The following DUOX1 variants were observed in gnomAD, a reference collection of about 807,000 sequenced individuals.
DUOX1 encodes the protein dual oxidase 1.
In DUOX1, 134 loss-of-function variants were observed where a neutral mutation model predicts 181.8. The ratio of observed to expected loss-of-function variants is 0.74; its 90% confidence interval spans 0.64 to 0.85. The LOEUF is 0.85. Ranked by LOEUF, DUOX1 falls within the 40% of genes least tolerant of loss-of-function variation. The pLI is 0.00. For synonymous variants in DUOX1, 798 were observed against 832.5 expected (o/e 0.96, Z 0.71); for missense variants, 1,814 against 2,064.4 (o/e 0.88, Z 2.35).
chr15:45,160,492 T>C (rs1290035682), intron 28 of DUOX1, among the ~76,000 whole-genome samples: 2 of 152,096 alleles, frequency 1.3e-5, no homozygotes, highest in African/African-American at 4.8e-5. Context: ...AAATGAACTT[T>C]AAAAAGTCAC....
rs558488842 is a variant in DUOX1, at chr15:45,147,774, G to A, written c.2548+116G>A. On this transcript the variant is annotated intron_variant, in intron 19 of 33. Transcript: ENST00000389037. Reference sequence around the variant, plus strand: ...GATGCCCAGAAGTGCCCAGGCCGAGGTCAGGAAGCAGAGCGACCCTTGCTG... The same window carrying A: ...GATGCCCAGAAGTGCCCAGGCCGAGATCAGGAAGCAGAGCGACCCTTGCTG... The A allele has an allele frequency of 7.7e-5, 119 of 1,552,354 alleles. No homozygotes were observed. The African/African-American group carries it at 1.5e-3, about 19-fold the overall frequency.
chr15:45,141,749 AGC>A (rs780861995), intron 14 of DUOX1, among the ~76,000 whole-genome samples: 1 of 81,386 alleles, frequency 1.2e-5, no homozygotes, highest in East Asian at 3.1e-4. Flanking sequence ...CAGTGAGGGA[AGC>A]GTGTGTGTGT....
At chr15:45,138,261 T>C (rs936718789) in intron 10 of DUOX1, among the ~76,000 whole-genome samples, 3 of 152,130 alleles carry the variant, frequency 2.0e-5, no homozygotes, top group Non-Finnish European at 4.4e-5. Flanking sequence ...CACCCCAACC[T>C]CAGGGCTGTG....
rs1218499822 is a variant in DUOX1, at chr15:45,142,079, G to T, written c.1789G>T (p.Val597Phe). ...YFEGSGFGFGVTIGTLCCFPL... is the reference protein window; with the variant it reads ...YFEGSGFGFGFTIGTLCCFPL... Reference sequence around the variant, plus strand: ...TGAGGGCAGTGGATTTGGCTTCGGGGTCACCATCGGGACCCTCTGTTGCTT... The same window carrying T: ...TGAGGGCAGTGGATTTGGCTTCGGGTTCACCATCGGGACCCTCTGTTGCTT... Residue 597 changes from valine (V) to phenylalanine (F), a missense_variant, in exon 15 of 34, where the codon GTC (valine) becomes TTC (phenylalanine). By Grantham distance (50) the Val-to-Phe change is conservative. Coordinates refer to ENST00000389037, the MANE Select transcript of DUOX1 (RefSeq NM_175940.3). The T allele has an allele frequency of 6.2e-7, 1 of 1,613,960 alleles. No individual in the cohort carries two copies. The highest frequency in any genetic ancestry group is 1.3e-5 in the African/African-American group (1 of 74,922).
intron 25 of DUOX1, 63 bp from the exon 26 acceptor site, chr15:45,153,317 C>G: frequency 3.0e-6 from 4 of 1,336,214 alleles, no homozygotes; most frequent in Non-Finnish European, 3.2e-6. Context: ...CGATCTTGGG[C>G]TGAATGAGTG....
At chr15:45,160,589 G>A (rs1478251772) in intron 28 of DUOX1, among the ~76,000 whole-genome samples, 1 of 105,576 alleles carries the variant, frequency 9.5e-6, no homozygotes, top group Non-Finnish European at 1.9e-5. Flanking sequence ...CATGAGTCCA[G>A]GTGACAGGTG....
At chr15:45,133,631 T>C (rs979671462) in intron 2 of DUOX1, among the ~76,000 whole-genome samples, 4 of 152,218 alleles carry the variant, frequency 2.6e-5, no homozygotes, top group African/African-American at 9.7e-5. Flanking sequence ...CCTGCTCCAC[T>C]GCTTTTTGGC....
At chr15:45,140,005 C>G (rs1896450387) in intron 12 of DUOX1, 19 of 1,202,214 alleles carry the variant, frequency 1.6e-5, no homozygotes, top group Admixed American at 5.6e-5. Context: ...GGACTGGTGG[C>G]CCAGGCCAAG....
At chr15:45,138,085 T>TGTG in intron 10 of DUOX1, 71 bp downstream of exon 10, 1 of 942,292 alleles carries the variant, frequency 1.1e-6, no homozygotes, top group Middle Eastern at 3.3e-4. Context: ...TGTATGTGTG[T>TGTG]GTGTGTGTGT....
At chr15:45,148,594 C>G in intron 21 of DUOX1, 147 bp downstream of exon 21, 1 of 720,334 alleles carries the variant, frequency 1.4e-6, no homozygotes, top group Non-Finnish European at 2.1e-6. Flanking sequence ...ATAATGTATC[C>G]AATCTGGATT....
intron 15 of DUOX1, among the ~76,000 whole-genome samples, chr15:45,142,323 G>A (rs967058184): frequency 6.6e-6 from 1 of 152,110 alleles, no homozygotes; most frequent in African/African-American, 2.4e-5. Context: ...TGTTTTCCTG[G>A]GACTGCCCCC....
chr15:45,164,013 C>T, intron 33 of DUOX1, 95 bp downstream of exon 33: 2 of 1,525,810 alleles, frequency 1.3e-6, no homozygotes, highest in Non-Finnish European at 1.8e-6. Flanking sequence ...AAATCGACTG[C>T]TGATGAGAAC....
At chr15:45,157,640 G>A (rs1182731871) in intron 28 of DUOX1, among the ~76,000 whole-genome samples, 2 of 151,990 alleles carry the variant, frequency 1.3e-5, no homozygotes, top group Admixed American at 6.6e-5. Flanking sequence ...TCAACATGGC[G>A]AAACCTCGTC....
In DUOX1 at chr15:45,135,125, T is replaced by A; in HGVS notation, c.329T>A (p.Leu110Gln). 1 of 1,613,698 alleles carries A rather than the reference T, an allele frequency of 6.2e-7. No homozygotes were observed. ...GCAGGCTATCACGTGCTTTCAGACCTGGTGAGCGTGGAAACTCCCGGCTGC... is the reference window on the plus strand; with the variant it reads ...GCAGGCTATCACGTGCTTTCAGACCAGGTGAGCGTGGAAACTCCCGGCTGC... ...VFFGYHVLSD[L>Q]VSVETPGCPA... The change falls in exon 5 of 34, where the codon CTG becomes CAG. Residue 110 changes from leucine to glutamine, a missense_variant. This residue lies in a region of DUOX1 where 320 missense variants were observed against 313.1 expected (regional missense o/e 1.02). Transcript: ENST00000389037.
chr15:45,154,049 A>C, intron 27 of DUOX1, 49 bp downstream of exon 27: 2 of 1,587,622 alleles, frequency 1.3e-6, no homozygotes, highest in Non-Finnish European at 1.7e-6. Context: ...CTGTGAGTTC[A>C]AGGCTCTGGG....
intron 23 of DUOX1, among the ~76,000 whole-genome samples, chr15:45,151,502 G>T (rs1161963792): frequency 2.0e-5 from 3 of 152,202 alleles, no homozygotes; most frequent in Non-Finnish European, 4.4e-5. Context: ...CTGCCAGGGA[G>T]GTCAGAGATG....
chr15:45,142,789 G>A (rs62025128), intron 15 of DUOX1, among the ~76,000 whole-genome samples: 13,213 of 139,330 alleles, frequency 0.095, 861 homozygotes, highest in Non-Finnish European at 0.11. Context: ...GGAAGGAAGG[G>A]AGGGAGGAAG....
chr15:45,156,859 G>C (rs1277106293), intron 28 of DUOX1, among the ~76,000 whole-genome samples: 1 of 152,046 alleles, frequency 6.6e-6, no homozygotes, highest in East Asian at 1.9e-4. Flanking sequence ...CTCATCGGCT[G>C]CCTAGCTGGT....
chr15:45,145,957 T>G (rs982427758), intron 18 of DUOX1, among the ~76,000 whole-genome samples: 2 of 151,198 alleles, frequency 1.3e-5, no homozygotes, highest in African/African-American at 4.9e-5. Flanking sequence ...GTTCTCCCAC[T>G]GAAGAAGCTT....
Sources: allele counts gnomAD v4.1 joint callset (sites outside exome capture counted in the v4.1 genomes callset), GRCh38; gene constraint gnomAD v4.1.1; regional missense constraint gnomAD v4.1.1; transcripts MANE v1.5; gene names NCBI Gene and HGNC (gene_info 2026-07-23, HGNC 2026-07-21).